SLC26A7: variants seen among roughly 807,000 people sequenced by gnomAD.
The protein encoded by SLC26A7 is anion exchange transporter.
Under a neutral mutation model 82.5 loss-of-function variants are expected in SLC26A7, and 59 were observed. The observed-to-expected ratio is 0.72, with a 90% CI of 0.58 to 0.89. The LOEUF is 0.89. Among genes scored for constraint, SLC26A7 ranks in the 40% least tolerant of loss-of-function variants. The probability of loss-of-function intolerance (pLI) is 0.00; values close to 1 mark genes in which losing one functional copy is unlikely to be tolerated. For synonymous variants in SLC26A7, 271 were observed against 274.3 expected (o/e 0.99, Z 0.12); for missense variants, 820 against 793.0 (o/e 1.03, Z -0.41).
At chr8:91,257,830 T>C (rs1810846821) in intron 2 of SLC26A7, among the ~76,000 whole-genome samples, 2 of 152,054 alleles carry the variant, frequency 1.3e-5, no homozygotes, top group South Asian at 4.1e-4. Flanking sequence ...ATTCTCACGC[T>C]GCTATGAAGA....
intron 15 of SLC26A7, among the ~76,000 whole-genome samples, chr8:91,374,331 C>T (rs574839298): frequency 2.0e-5 from 3 of 149,840 alleles, no homozygotes; most frequent in Admixed American, 6.7e-5. Flanking sequence ...AACTTGAGAG[C>T]TTCCTATCTT....
chr8:91,263,620 T>C (rs1329927386), intron 2 of SLC26A7, among the ~76,000 whole-genome samples: 1 of 152,070 alleles, frequency 6.6e-6, no homozygotes, highest in East Asian at 1.9e-4. Context: ...CTTCTGGGCT[T>C]TGCCTGGAAT....
upstream of SLC26A7, among the ~76,000 whole-genome samples, chr8:91,246,903 C>T (rs1400358590): frequency 6.6e-6 from 1 of 152,170 alleles, no homozygotes; most frequent in Non-Finnish European, 1.5e-5. Flanking sequence ...GTTAGTTATA[C>T]ATGTTTTGAT....
At chr8:91,269,330 C>T (rs942165483) in intron 2 of SLC26A7, among the ~76,000 whole-genome samples, 5 of 152,064 alleles carry the variant, frequency 3.3e-5, no homozygotes, top group African/African-American at 9.7e-5. Context: ...CTCTCCTTCA[C>T]ATTTGAAGGT....
At chr8:91,276,383 T>A (rs1472071405) in intron 2 of SLC26A7, among the ~76,000 whole-genome samples, 1 of 152,216 alleles carries the variant, frequency 6.6e-6, no homozygotes, top group Non-Finnish European at 1.5e-5. Flanking sequence ...CATTTGACAT[T>A]TTTTTACTTT....
chr8:91,277,135 C>A (rs1265226361), intron 2 of SLC26A7, among the ~76,000 whole-genome samples: 2 of 152,126 alleles, frequency 1.3e-5, no homozygotes, highest in African/African-American at 4.8e-5. Context: ...CCAGCCTTTA[C>A]TAATGCACCC....
intron 15 of SLC26A7, among the ~76,000 whole-genome samples, chr8:91,385,740 C>T (rs1799582292): frequency 6.6e-6 from 1 of 152,032 alleles, no homozygotes; most frequent in Non-Finnish European, 1.5e-5. Context: ...TGATAAAGCC[C>T]CAAACACTTT....
At chr8:91,267,509 T>C (rs58803472) in intron 2 of SLC26A7, among the ~76,000 whole-genome samples, 1,798 of 152,072 alleles carry the variant, frequency 0.012, 31 homozygotes, top group African/African-American at 0.042. Flanking sequence ...TGTTCAGACA[T>C]TTATCCATTT....
At position 91,398,117 on chromosome 8, in the gene SLC26A7, A is replaced by G. The variant is rs756438153; in HGVS notation, c.*3020A>G. On this transcript the variant is annotated 3_prime_UTR_variant, in exon 19 of 19. Transcript: ENST00000276609. ...ACTCAGCATGTAACAACCAATTTAC[A>G]TGGAAATAAATCGAAATATGATAAC... 1 of 152,580 alleles carries G rather than the reference A, an allele frequency of 6.6e-6. No individual in the cohort carries two copies. Among genetic ancestry groups the G allele is most frequent in the Non-Finnish European group, 1.5e-5 (1 of 67,982 alleles). The allele number at this position is 152,580 out of a possible 1,614,324, so 9.5% of individuals were successfully genotyped here.
chr8:91,269,524 A>C (rs1235256060), intron 2 of SLC26A7, among the ~76,000 whole-genome samples: 1 of 152,060 alleles, frequency 6.6e-6, no homozygotes, highest in Admixed American at 6.6e-5. Flanking sequence ...TCAATGTGAT[A>C]TATTTCTTTT....
intron 2 of SLC26A7, among the ~76,000 whole-genome samples, chr8:91,269,630 C>T (rs370635425): frequency 9.1e-4 from 138 of 152,258 alleles, no homozygotes; most frequent in Middle Eastern, 3.4e-3. Flanking sequence ...TTATTGGTTA[C>T]TTCCAAGGTT....
At chr8:91,341,369 T>C (rs1003202235) in intron 8 of SLC26A7, among the ~76,000 whole-genome samples, 1 of 152,184 alleles carries the variant, frequency 6.6e-6, no homozygotes, top group Admixed American at 6.5e-5. Context: ...TGCCACATTT[T>C]CTTGATCCAG....
intron 2 of SLC26A7, among the ~76,000 whole-genome samples, chr8:91,262,795 A>G (rs138827244): frequency 4.9e-4 from 75 of 152,172 alleles, no homozygotes; most frequent in East Asian, 1.6e-3. Context: ...TGTGGACTAT[A>G]AAATGTTTAA....
At chr8:91,340,290 T>A in intron 7 of SLC26A7, 114 bp from the exon 8 acceptor site, 1 of 1,305,756 alleles carries the variant, frequency 7.7e-7, no homozygotes, top group Non-Finnish European at 1.1e-6. Context: ...TTCTCATGGG[T>A]ATTTCACTTA....
At chr8:91,366,367 A>T (rs571057477) in intron 13 of SLC26A7, among the ~76,000 whole-genome samples, 11 of 152,304 alleles carry the variant, frequency 7.2e-5, no homozygotes, top group African/African-American at 2.6e-4. Context: ...AAAGCTGCCA[A>T]CCTTTCTTGC....
chr8:91,260,813 T>G (rs1810941874), intron 2 of SLC26A7, among the ~76,000 whole-genome samples: 1 of 152,070 alleles, frequency 6.6e-6, no homozygotes, highest in Non-Finnish European at 1.5e-5. Flanking sequence ...GAAGGTATGA[T>G]GTGATTGGCC....
Position 91,366,822 on chromosome 8 carries a change from G to A in SLC26A7, c.1626+105G>A, listed in dbSNP as rs758948311. The stretch of plus-strand genomic sequence containing the variant: ...ATAATACATCACACGAGTATTTCGA[G>A]ACCTCTCCCTTCAGCAAAACCTATG... On this transcript the variant is annotated intron_variant, in intron 14 of 18. Transcript: ENST00000276609. 1.3e-4 allele frequency: 170 copies of A among 1,293,892 alleles called. 1 individual carries two copies. Among genetic ancestry groups the A allele is most frequent in the Non-Finnish European group, 1.8e-4 (168 of 945,536 alleles). The allele number at this position is 1,293,892 out of a possible 1,614,324, so 80.2% of individuals were successfully genotyped here.
chr8:91,338,163 C>A lies in SLC26A7; in HGVS notation c.809C>A (p.Ser270Ter), dbSNP rs372360121. ...PVDLVLIIAASFACYCTNMEN... is the reference protein window; with the variant it reads ...PVDLVLIIAA ...GGAACCACACAGATTATTGCTGCATCATTTGCTTGTTATTGCACCAATATG... is the reference window on the plus strand; with the variant it reads ...GGAACCACACAGATTATTGCTGCATAATTTGCTTGTTATTGCACCAATATG... The change falls in exon 7 of 19, where the codon TCA becomes TAA. Residue 270 changes from serine (S) to a stop codon, truncating the protein, a stop_gained. Transcript: ENST00000276609. LOFTEE classifies it high-confidence loss of function. The A allele has an allele frequency of 3.0e-5, 49 of 1,607,240 alleles. No individual in the cohort carries two copies. Among genetic ancestry groups the A allele is most frequent in the Non-Finnish European group, 3.7e-5 (44 of 1,177,376 alleles).
chr8:91,284,289 G>A (rs1811653108), intron 2 of SLC26A7, among the ~76,000 whole-genome samples: 1 of 152,184 alleles, frequency 6.6e-6, no homozygotes. Context: ...TACCCTAACA[G>A]CAACTCTGGT....
Sources: gnomAD v4.1 joint callset for allele counts (sites outside exome capture counted in the v4.1 genomes callset) on GRCh38, gnomAD v4.1.1 for gene constraint, MANE v1.5 for transcripts, NCBI Gene and HGNC (gene_info 2026-07-23, HGNC 2026-07-21) for gene names.